Variants in MYO3B observed in about 807,000 individuals in gnomAD.
The protein encoded by MYO3B is myosin IIIB.
MYO3B carries 156 observed loss-of-function variants against 174.6 expected under a neutral mutation model. That is an observed-to-expected ratio of 0.89 (90% CI 0.78 to 1.02). MYO3B has a LOEUF of 1.02. Among genes scored for constraint, MYO3B ranks in the 50% least tolerant of loss-of-function variants. The probability of loss-of-function intolerance (pLI) is 0.00; values close to 1 mark genes in which losing one functional copy is unlikely to be tolerated. For synonymous variants in MYO3B, 563 were observed against 569.1 expected (o/e 0.99, Z 0.15); for missense variants, 1,632 against 1,639.4 (o/e 1.00, Z 0.08).
intron 30 of MYO3B, among the ~76,000 whole-genome samples, chr2:170,539,596 G>A (rs1331940330): frequency 6.7e-6 from 1 of 148,730 alleles, no homozygotes; most frequent in African/African-American, 2.5e-5. Context: ...GATTTTATCA[G>A]CAATTAATAA....
At chr2:170,640,311 GC>G (rs1230511471) in intron 32 of MYO3B, 1 of 152,168 alleles carries the variant, frequency 6.6e-6, no homozygotes, top group Non-Finnish European at 1.5e-5. Context: ...AAATACAACA[GC>G]CCCTTCGCAG....
Position 170,499,695 on chromosome 2 carries a change from A to C in MYO3B, c.3176A>C (p.Glu1059Ala). 2 of 1,614,082 alleles carry C rather than the reference A, an allele frequency of 1.2e-6. No homozygotes were observed. The highest frequency in any genetic ancestry group is 4.5e-5 in the East Asian group (2 of 44,878). The change falls in exon 27 of 35, where the codon GAA becomes GCA. Residue 1059 changes from glutamate (E) to alanine (A), a missense_variant. Coordinates refer to ENST00000408978, the MANE Select transcript of MYO3B (RefSeq NM_138995.5). ...HVEQLNLLLR[E>A]VIGRVVVLQA... is the part of the protein sequence containing the mutation. The stretch of plus-strand genomic sequence containing the variant: ...GAGCAATTAAATTTGCTGCTTCGAG[A>C]AGTCATAGGCAGAGTGGTTGTGCTG...
In MYO3B at chr2:170,566,391, G is replaced by T. The variant is rs145461881; in HGVS notation, c.3733+22403G>T. On this transcript the variant is annotated intron_variant, in intron 32 of 34. Transcript: ENST00000408978. ...GCATAATCATTTTGTTGATTGTAAT[G>T]CTTGAGTGTTTTTACCATGTGAACC... Among the ~76,000 whole-genome samples, 3 of 152,262 alleles carry T rather than the reference G, an allele frequency of 2.0e-5. No individual in the cohort carries two copies. The East Asian group carries it at 5.8e-4, about 29-fold the overall frequency.
At chr2:170,644,581 C>T (rs1028874820) in intron 32 of MYO3B, 10 of 152,268 alleles carry the variant, frequency 6.6e-5, no homozygotes, top group Non-Finnish European at 1.0e-4. Context: ...GCCACTGCTC[C>T]GAGCTGAGCC....
At chr2:170,643,542 A>G (rs1040730909) in intron 32 of MYO3B, among the ~76,000 whole-genome samples, 5 of 152,178 alleles carry the variant, frequency 3.3e-5, no homozygotes, top group African/African-American at 1.2e-4. Context: ...TCCTATTTAA[A>G]TGCCCCAGGG....
chr2:170,519,179 T>G (rs184000774), intron 29 of MYO3B, among the ~76,000 whole-genome samples: 90 of 152,198 alleles, frequency 5.9e-4, no homozygotes, highest in African/African-American at 2.0e-3. Flanking sequence ...TGTGCACTCT[T>G]TATATCTATT....
chr2:170,398,207 G>A (rs1344665256), intron 16 of MYO3B, among the ~76,000 whole-genome samples: 3 of 83,612 alleles, frequency 3.6e-5, no homozygotes, highest in Admixed American at 3.3e-4. Flanking sequence ...TGGGCAACAA[G>A]AGCAAAACTC....
intron 32 of MYO3B, among the ~76,000 whole-genome samples, chr2:170,580,466 C>T (rs1484562218): frequency 3.9e-5 from 6 of 152,184 alleles, no homozygotes; most frequent in Admixed American, 6.5e-5. Flanking sequence ...GGCAAAACCC[C>T]GTCTCTACTA....
chr2:170,520,561 A>G (rs993855393), intron 30 of MYO3B, among the ~76,000 whole-genome samples: 5 of 151,918 alleles, frequency 3.3e-5, no homozygotes, highest in African/African-American at 9.7e-5. Flanking sequence ...ATCTCATTTG[A>G]GTAGAAAAAT....
chr2:170,625,201 T>G (rs1279594434), intron 32 of MYO3B, among the ~76,000 whole-genome samples: 2 of 152,216 alleles, frequency 1.3e-5, no homozygotes, highest in Admixed American at 6.5e-5. Context: ...GGTCCTGGAC[T>G]TTTTTTGGTT....
intron 8 of MYO3B, among the ~76,000 whole-genome samples, chr2:170,336,260 A>G (rs1469187455): frequency 6.6e-6 from 1 of 151,684 alleles, no homozygotes; most frequent in Non-Finnish European, 1.5e-5. Flanking sequence ...TGTAGGATCT[A>G]GTATATGAAA....
intron 28 of MYO3B, among the ~76,000 whole-genome samples, chr2:170,512,228 G>GAA (rs5836284): frequency 0.012 from 1,805 of 150,618 alleles, 22 homozygotes; most frequent in Non-Finnish European, 0.02. Flanking sequence ...TAGGGCTGTA[G>GAA]AAAAAAAAAA....
intron 7 of MYO3B, among the ~76,000 whole-genome samples, chr2:170,282,985 A>G (rs2093524632): frequency 6.6e-6 from 1 of 152,086 alleles, no homozygotes. Flanking sequence ...GCATTTCACC[A>G]TTGCAGTCCT....
intron 32 of MYO3B, among the ~76,000 whole-genome samples, chr2:170,558,913 G>A (rs549536952): frequency 1.4e-4 from 22 of 152,294 alleles, no homozygotes; most frequent in African/African-American, 3.4e-4. Context: ...CAGTACCTAC[G>A]TCATAGGGTA....
chr2:170,494,945 C>T (rs767862259), intron 25 of MYO3B, among the ~76,000 whole-genome samples: 13 of 152,028 alleles, frequency 8.6e-5, no homozygotes, highest in Middle Eastern at 3.2e-3. Context: ...CTATTCCCAC[C>T]TGTGGAAAGT....
At chr2:170,436,922 A>G (rs1281978938) in intron 22 of MYO3B, among the ~76,000 whole-genome samples, 1 of 152,052 alleles carries the variant, frequency 6.6e-6, no homozygotes, top group Non-Finnish European at 1.5e-5. Context: ...CTCCTTTGAG[A>G]CCTTTGTGAA....
At chr2:170,221,716 A>C (rs886910775) in intron 6 of MYO3B, among the ~76,000 whole-genome samples, 64 of 151,146 alleles carry the variant, frequency 4.2e-4, no homozygotes, top group African/African-American at 1.5e-3. Context: ...AAAAGGGTTA[A>C]TCTAAAAGTC....
intron 22 of MYO3B, among the ~76,000 whole-genome samples, chr2:170,434,746 A>G (rs2094738918): frequency 6.6e-6 from 1 of 152,198 alleles, no homozygotes; most frequent in East Asian, 1.9e-4. Flanking sequence ...GAAATTTAGA[A>G]CTCATATCTA....
intron 6 of MYO3B, among the ~76,000 whole-genome samples, chr2:170,234,658 T>C (rs1390628938): frequency 6.6e-6 from 1 of 152,200 alleles, no homozygotes; most frequent in East Asian, 1.9e-4. Flanking sequence ...GCTTAATATA[T>C]CCTAAATGGA....
Sources: allele counts gnomAD v4.1 joint callset (sites outside exome capture counted in the v4.1 genomes callset), GRCh38; gene constraint gnomAD v4.1.1; transcripts MANE v1.5; gene names NCBI Gene and HGNC (gene_info 2026-07-23, HGNC 2026-07-21).